The following KIF26B variants were observed in gnomAD, a reference collection of about 807,000 sequenced individuals.
KIF26B encodes the protein kinesin family member 26B, also known as kinesin-like protein KIF26B.
A neutral mutation model predicts 151.2 loss-of-function variants in KIF26B; 63 were observed. The ratio of observed to expected loss-of-function variants is 0.42; its 90% confidence interval spans 0.34 to 0.51. KIF26B has a LOEUF of 0.51. KIF26B is among the 20% of genes least tolerant of loss of function. The pLI, the probability that KIF26B is intolerant of heterozygous loss-of-function variation, is 0.07. For synonymous variants in KIF26B, 1,357 were observed against 1,262.1 expected (o/e 1.08, Z -1.59); for missense variants, 2,813 against 2,913.6 (o/e 0.97, Z 0.79).
At chr1:245,386,307 G>A (rs1329767623) in intron 3 of KIF26B, among the ~76,000 whole-genome samples, 5 of 148,462 alleles carry the variant, frequency 3.4e-5, no homozygotes, top group Admixed American at 2.0e-4. Context: ...TCAATTATTA[G>A]CTGTATTCAG....
chr1:245,348,495 G>A (rs1012978579), intron 2 of KIF26B, among the ~76,000 whole-genome samples: 2 of 152,184 alleles, frequency 1.3e-5, no homozygotes, highest in Non-Finnish European at 2.9e-5. Context: ...TTGAGTGTCT[G>A]AGGAGGGCCC....
intron 4 of KIF26B, among the ~76,000 whole-genome samples, chr1:245,422,902 C>A (rs1280338479): frequency 6.6e-6 from 1 of 151,992 alleles, no homozygotes; most frequent in Non-Finnish European, 1.5e-5. Flanking sequence ...AGTTCAAGAC[C>A]AGCCTGGCCA....
At chr1:245,662,400 CACAT>C (rs1344887176) in intron 10 of KIF26B, among the ~76,000 whole-genome samples, 2 of 145,146 alleles carry the variant, frequency 1.4e-5, no homozygotes, top group African/African-American at 2.6e-5. Flanking sequence ...TATATACACA[CACAT>C]ACACCCAGTG....
intron 4 of KIF26B, among the ~76,000 whole-genome samples, chr1:245,522,025 A>G (rs1023310433): frequency 3.2e-4 from 48 of 151,642 alleles, no homozygotes; most frequent in Admixed American, 1.6e-3. Context: ...ACCCGCCACC[A>G]TGCCCGGCTA....
At position 245,352,250 on chromosome 1, in the gene KIF26B, T is replaced by TATTG. The variant is rs531822067; in HGVS notation, c.466-14584_466-14583insATTG. Among the ~76,000 whole-genome samples the TATTG allele has an allele frequency of 1.3e-5, 2 of 152,204 alleles. No homozygotes were observed. Among genetic ancestry groups the TATTG allele is most frequent in the Admixed American group, 6.5e-5 (1 of 15,280 alleles). On this transcript the variant is annotated intron_variant, in intron 2 of 14. Coordinates refer to ENST00000407071, the MANE Select transcript of KIF26B (RefSeq NM_018012.4). This position sits in a 1 kb window ranked among gnomAD's most constrained non-coding sequence, Gnocchi z 5.0. The stretch of plus-strand genomic sequence containing the variant: ...TATTCTACCATTCCTACCTCCAGTT[T>TATTG]TTTGTTTGTTTGTTTGTTTGTGTTC...
At chr1:245,276,561 C>A (rs887649291) in intron 2 of KIF26B, among the ~76,000 whole-genome samples, 8 of 152,156 alleles carry the variant, frequency 5.3e-5, no homozygotes, top group African/African-American at 1.9e-4. Context: ...TGGGCAGTCC[C>A]CTTGAAAAGC....
intron 2 of KIF26B, among the ~76,000 whole-genome samples, chr1:245,250,048 A>G (rs1670413520): frequency 6.6e-6 from 1 of 152,250 alleles, no homozygotes; most frequent in Non-Finnish European, 1.5e-5. Flanking sequence ...GAAATAATAT[A>G]ACATGATCCG....
At chr1:245,394,396 G>A (rs1358920774) in intron 3 of KIF26B, among the ~76,000 whole-genome samples, 1 of 152,132 alleles carries the variant, frequency 6.6e-6, no homozygotes, top group Non-Finnish European at 1.5e-5. Context: ...GCCAAGGCAG[G>A]CAGATCACCT....
chr1:245,583,654 G>A (rs1275223563), intron 5 of KIF26B, among the ~76,000 whole-genome samples: 2 of 152,210 alleles, frequency 1.3e-5, no homozygotes, highest in South Asian at 2.1e-4. Flanking sequence ...GGGCTGTATT[G>A]TAGGTGGGTG....
At position 245,239,717 on chromosome 1, in the gene KIF26B, C is replaced by T. The variant is rs1228989179; in HGVS notation, c.465+83034C>T. On this transcript the variant is annotated intron_variant, in intron 2 of 14. Coordinates refer to ENST00000407071, the MANE Select transcript of KIF26B (RefSeq NM_018012.4). This position sits in a 1 kb window ranked among gnomAD's most constrained non-coding sequence, Gnocchi z 4.3. ...ACGGGTTTTCACTATGTTGGCCAGG[C>T]TGGTCTCAAACTCCTGACCTCAGGT... Among the ~76,000 whole-genome samples the T allele has an allele frequency of 6.6e-6, 1 of 152,076 alleles. No individual in the cohort carries two copies. The highest frequency in any genetic ancestry group is 1.9e-4 in the East Asian group (1 of 5,164).
Position 245,155,306 on chromosome 1 carries a change from A to G in KIF26B, c.-119A>G. Reference sequence around the variant, plus strand: ...TTCCCTCCCACCCCACCGCTGAAGAAACCTTGCCCTGAGGGCTGAGAGCCA... The same window carrying G: ...TTCCCTCCCACCCCACCGCTGAAGAGACCTTGCCCTGAGGGCTGAGAGCCA... On this transcript the variant is annotated 5_prime_UTR_variant, in exon 1 of 15. Transcript: ENST00000407071. The G allele has an allele frequency of 1.3e-6, 1 of 774,784 alleles. No individual in the cohort carries two copies. The highest frequency in any genetic ancestry group is 2.2e-6 in the Non-Finnish European group (1 of 462,334). The allele number at this position is 774,784 out of a possible 1,614,324, so 48.0% of individuals were successfully genotyped here.
chr1:245,667,709 G>A lies in KIF26B; in HGVS notation c.2259-16524G>A, dbSNP rs890662270. ...CCATCCTACGCAGTTCTCCAGGAAG[G>A]AGGTGGCAGGAGTGACATTTGGGCC... On this transcript the variant is annotated intron_variant, in intron 10 of 14. Coordinates refer to ENST00000407071, the MANE Select transcript of KIF26B (RefSeq NM_018012.4). This position sits in a 1 kb window ranked among gnomAD's most constrained non-coding sequence, Gnocchi z 4.3. Among the ~76,000 whole-genome samples the A allele has an allele frequency of 3.3e-5, 5 of 152,176 alleles. No individual in the cohort carries two copies. Among genetic ancestry groups the A allele is most frequent in the Admixed American group, 3.3e-4 (5 of 15,276 alleles).
At chr1:245,292,773 T>C (rs12084148) in intron 2 of KIF26B, among the ~76,000 whole-genome samples, 79,981 of 151,900 alleles carry the variant, frequency 0.53, 21,603 homozygotes, top group East Asian at 0.67. Context: ...GATGTGTATC[T>C]GCTAGGCCAT....
chr1:245,466,575 G>A (rs1014305871), intron 4 of KIF26B, among the ~76,000 whole-genome samples: 1 of 152,216 alleles, frequency 6.6e-6, no homozygotes, highest in East Asian at 1.9e-4. Flanking sequence ...TGGGCAGACA[G>A]TTGTGAGGAT....
At chr1:245,194,701 A>G (rs1046208804) in intron 2 of KIF26B, among the ~76,000 whole-genome samples, 3 of 152,288 alleles carry the variant, frequency 2.0e-5, no homozygotes, top group Admixed American at 2.0e-4. Flanking sequence ...CAAATCTGAT[A>G]TTTTAGCCTG....
chr1:245,640,884 T>C (rs1202359175), intron 9 of KIF26B, among the ~76,000 whole-genome samples: 1 of 152,202 alleles, frequency 6.6e-6, no homozygotes, highest in Non-Finnish European at 1.5e-5. Flanking sequence ...AAAAATTTTA[T>C]AGTTGTTATT....
chr1:245,574,886 CAG>C (rs1301369893), intron 5 of KIF26B, among the ~76,000 whole-genome samples: 6 of 119,440 alleles, frequency 5.0e-5, no homozygotes, highest in African/African-American at 1.0e-4. Context: ...TTTTTTGAGA[CAG>C]AGTCTTGCTC....
At chr1:245,523,019 A>T (rs1413503035) in intron 4 of KIF26B, among the ~76,000 whole-genome samples, 1 of 152,192 alleles carries the variant, frequency 6.6e-6, no homozygotes, top group Non-Finnish European at 1.5e-5. Context: ...TGATAATCTT[A>T]TTTGAACTTT....
intron 3 of KIF26B, among the ~76,000 whole-genome samples, chr1:245,411,944 C>T (rs1222727600): frequency 6.6e-6 from 1 of 152,144 alleles, no homozygotes; most frequent in Non-Finnish European, 1.5e-5. Context: ...GGAACATCGG[C>T]GTGATCAACT....
Sources: gnomAD v4.1 joint callset for allele counts (sites outside exome capture counted in the v4.1 genomes callset) on GRCh38, gnomAD v4.1.1 for gene constraint, Gnocchi (gnomAD v3.1) non-coding constraint, MANE v1.5 for transcripts, NCBI Gene and HGNC (gene_info 2026-07-23, HGNC 2026-07-21) for gene names.